Variants in MRPL48 observed in about 807,000 individuals in gnomAD.
MRPL48 encodes the protein large ribosomal subunit protein mL48.
MRPL48 carries 16 observed loss-of-function variants against 32.9 expected under a neutral mutation model. That is an observed-to-expected ratio of 0.49 (90% CI 0.33 to 0.74). The LOEUF is 0.74. MRPL48 is among the 30% of genes least tolerant of loss of function. MRPL48 has a pLI of 0.02. For missense variants in MRPL48, 206 were observed against 245.3 expected (o/e 0.84, Z 1.07); for synonymous variants, 94 against 89.2 (o/e 1.05, Z -0.31).
chr11:73,827,566 C>T (rs1452951086), intron 4 of MRPL48, among the ~76,000 whole-genome samples: 1 of 152,128 alleles, frequency 6.6e-6, no homozygotes, highest in Non-Finnish European at 1.5e-5. Context: ...ATCTGTCTTT[C>T]AATCTCAAGC....
chr11:73,825,803 G>A lies in MRPL48; in HGVS notation c.201+7G>A. The A allele has an allele frequency of 6.4e-7, 1 of 1,555,192 alleles. No individual in the cohort carries two copies. Among genetic ancestry groups the A allele is most frequent in the Non-Finnish European group, 8.7e-7 (1 of 1,148,760 alleles). On this transcript the variant is annotated splice_region_variant and intron_variant, in intron 4 of 7. Transcript: ENST00000310614. ...CTTAATTAAAGCAGAAGAGGTAACGGGCAGGGGGAGTCTTTTGGAAAAGGA... is the reference window on the plus strand; with the variant it reads ...CTTAATTAAAGCAGAAGAGGTAACGAGCAGGGGGAGTCTTTTGGAAAAGGA...
chr11:73,817,263 G>A (rs1947695118), intron 3 of MRPL48, among the ~76,000 whole-genome samples: 1 of 152,076 alleles, frequency 6.6e-6, no homozygotes, highest in Non-Finnish European at 1.5e-5. Flanking sequence ...TCTATTTGGA[G>A]AAATTTAAGT....
intron 3 of MRPL48, chr11:73,823,214 G>T (rs1947813946): frequency 4.2e-6 from 1 of 235,608 alleles, no homozygotes; most frequent in African/African-American, 2.3e-5. Flanking sequence ...CATAAAATTG[G>T]TCCCTAGTGC....
chr11:73,810,448 G>A (rs922731491), intron 3 of MRPL48, among the ~76,000 whole-genome samples: 1 of 152,164 alleles, frequency 6.6e-6, no homozygotes, highest in Non-Finnish European at 1.5e-5. Context: ...TTGAACTTGG[G>A]AGGCGGAGGT....
chr11:73,828,755 C>CTT (rs564348569), intron 4 of MRPL48, among the ~76,000 whole-genome samples: 17 of 139,904 alleles, frequency 1.2e-4, no homozygotes, highest in African/African-American at 2.9e-4. Flanking sequence ...CATCCCCCTT[C>CTT]TTTTTTTTTT....
chr11:73,816,492 T>C (rs1947676848), intron 3 of MRPL48, among the ~76,000 whole-genome samples: 1 of 151,898 alleles, frequency 6.6e-6, no homozygotes, highest in Non-Finnish European at 1.5e-5. Flanking sequence ...TGAGATGGAG[T>C]TTTGCTCTTG....
At chr11:73,840,487 CTGT>C (rs923945168) in intron 4 of MRPL48, among the ~76,000 whole-genome samples, 45 of 152,216 alleles carry the variant, frequency 3.0e-4, no homozygotes, top group Admixed American at 2.2e-3. Flanking sequence ...GAGTAAGACC[CTGT>C]TGTTGTTTTT....
At chr11:73,797,152 A>G (rs1460552439) in intron 1 of MRPL48, among the ~76,000 whole-genome samples, 2 of 152,044 alleles carry the variant, frequency 1.3e-5, no homozygotes, top group South Asian at 4.2e-4. Flanking sequence ...CACTCTAGAG[A>G]CTTCTCTGCT....
At chr11:73,848,271 C>T (rs1052228168) in intron 5 of MRPL48, among the ~76,000 whole-genome samples, 7 of 151,952 alleles carry the variant, frequency 4.6e-5, no homozygotes, top group African/African-American at 1.7e-4. Flanking sequence ...CCTTTTTTGA[C>T]AGCCAGTTGA....
intron 1 of MRPL48, among the ~76,000 whole-genome samples, chr11:73,795,015 A>G (rs1270848711): frequency 6.6e-6 from 1 of 151,516 alleles, no homozygotes; most frequent in Non-Finnish European, 1.5e-5. Context: ...GGTTCAAGCA[A>G]TTCTCCTGCC....
chr11:73,808,327 G>A lies in MRPL48; in HGVS notation c.89G>A (p.Gly30Glu). Residue 30 changes from glycine (G) to glutamate (E), a missense_variant, in exon 3 of 8, where the codon GGA becomes GAA. Coordinates refer to ENST00000310614, the MANE Select transcript of MRPL48 (RefSeq NM_016055.6). The part of the protein sequence containing the change: ...AFSLLRFRTS[G>E]EKPIYSVGGI... The stretch of plus-strand genomic sequence containing the variant: ...CCTCCTTTTAGGTTTAGAACTTCAG[G>A]AGAGAAGCCCATCTATTCTGTAGGT... The A allele has an allele frequency of 1.2e-6, 2 of 1,608,600 alleles. No homozygotes were observed. The highest frequency in any genetic ancestry group is 8.5e-7 in the Non-Finnish European group (1 of 1,176,944).
chr11:73,807,482 C>T (rs977908946), intron 2 of MRPL48, among the ~76,000 whole-genome samples: 1 of 151,664 alleles, frequency 6.6e-6, no homozygotes, highest in African/African-American at 2.4e-5. Context: ...TGATAAGCAC[C>T]TCCTATGGCA....
At chr11:73,847,356 T>TG (rs1175258085) in intron 5 of MRPL48, among the ~76,000 whole-genome samples, 1 of 152,220 alleles carries the variant, frequency 6.6e-6, no homozygotes, top group Non-Finnish European at 1.5e-5. Context: ...CCTGATGATA[T>TG]GTCTGTTTAA....
chr11:73,837,826 A>G (rs1334603583), intron 4 of MRPL48, among the ~76,000 whole-genome samples: 2 of 151,990 alleles, frequency 1.3e-5, no homozygotes, highest in Admixed American at 6.6e-5. Context: ...AGCTTTATTC[A>G]TGTATATCCT....
intron 1 of MRPL48, among the ~76,000 whole-genome samples, chr11:73,800,297 G>A (rs1947335893): frequency 6.6e-6 from 1 of 151,878 alleles, no homozygotes; most frequent in African/African-American, 2.4e-5. Context: ...TAGTAAATAG[G>A]ACTCAATAAA....
At chr11:73,853,398 T>TA (rs533964693) in intron 5 of MRPL48, among the ~76,000 whole-genome samples, 27 of 151,746 alleles carry the variant, frequency 1.8e-4, no homozygotes, top group African/African-American at 5.3e-4. Context: ...AATTAAACAT[T>TA]AAAAAAAAGA....
At chr11:73,798,390 G>A (rs1947297338) in intron 1 of MRPL48, among the ~76,000 whole-genome samples, 1 of 151,900 alleles carries the variant, frequency 6.6e-6, no homozygotes, top group African/African-American at 2.4e-5. Flanking sequence ...CACCTCGCCC[G>A]GCCAACAAAA....
At chr11:73,797,254 CT>C (rs1203690873) in intron 1 of MRPL48, among the ~76,000 whole-genome samples, 1 of 152,228 alleles carries the variant, frequency 6.6e-6, no homozygotes, top group Non-Finnish European at 1.5e-5. Flanking sequence ...CTCAATAAAG[CT>C]CTTCTTTGTC....
intron 1 of MRPL48, among the ~76,000 whole-genome samples, chr11:73,791,273 C>A (rs1159926129): frequency 1.3e-5 from 2 of 152,010 alleles, no homozygotes; most frequent in African/African-American, 4.8e-5. Context: ...GGATGAAAAC[C>A]TTTCCTGGCT....
Sources: gnomAD v4.1 joint callset for allele counts (sites outside exome capture counted in the v4.1 genomes callset) on GRCh38, gnomAD v4.1.1 for gene constraint, MANE v1.5 for transcripts, NCBI Gene and HGNC (gene_info 2026-07-23, HGNC 2026-07-21) for gene names.